The following ATAD2 variants were observed in gnomAD, a reference collection of about 807,000 sequenced individuals.
ATAD2 encodes ATPase family AAA domain-containing protein 2.
In ATAD2, 62 loss-of-function variants were observed where a neutral mutation model predicts 168.9. That is an observed-to-expected ratio of 0.37 (90% CI 0.30 to 0.45). The LOEUF is 0.45. Ranked by LOEUF, ATAD2 falls within the 20% of genes least tolerant of loss-of-function variation. The pLI is 1.00. For synonymous variants in ATAD2, 613 were observed against 571.6 expected, an observed-to-expected ratio of 1.07 and a Z score of -1.03; for missense variants, 1,419 against 1,667.8, an observed-to-expected ratio of 0.85 and a Z score of 2.60.
At chr8:123,373,067 G>T (rs1829196729) in intron 2 of ATAD2, among the ~76,000 whole-genome samples, 1 of 151,430 alleles carries the variant, frequency 6.6e-6, no homozygotes, top group Non-Finnish European at 1.5e-5. Context: ...TAATTTTTTG[G>T]ATTTTTAGTA....
Position 123,380,947 on chromosome 8 carries a change from T to C in ATAD2, c.172-270A>G, listed in dbSNP as rs560891207. 1.4e-5 allele frequency: 5 copies of C among 361,212 alleles called. No individual in the cohort carries two copies. The East Asian group carries it at 2.9e-4, about 21-fold the overall frequency. The allele number at this position is 361,212 out of a possible 1,614,324, so 22.4% of individuals were successfully genotyped here. A position where few individuals can be genotyped will look rare whatever the true frequency, so the allele number is the denominator to read the frequency against. On this transcript the variant is annotated intron_variant, in intron 1 of 27. Coordinates refer to ENST00000287394, the MANE Select transcript of ATAD2 (RefSeq NM_014109.4). ...CATAACCACTTTATAAAAAGTAGTC[T>C]AGAGAGTGAAGTTTTCCACCACTGA...
intron 2 of ATAD2, among the ~76,000 whole-genome samples, chr8:123,378,093 T>C (rs369923810): frequency 5.3e-5 from 8 of 152,216 alleles, no homozygotes; most frequent in African/African-American, 1.9e-4. Flanking sequence ...GGCTGGTTTA[T>C]ATTGTACTTC....
chr8:123,403,041 G>T (rs747512128), intron 1 of ATAD2, among the ~76,000 whole-genome samples: 31 of 152,166 alleles, frequency 2.0e-4, no homozygotes, highest in Non-Finnish European at 4.3e-4. Context: ...ACTGAGAATA[G>T]AAGGGTATGC....
chr8:123,336,239 T>G, intron 22 of ATAD2, 134 bp downstream of exon 22: 2 of 772,390 alleles, frequency 2.6e-6, no homozygotes, highest in East Asian at 3.4e-5. Flanking sequence ...TTTTTACCAT[T>G]TGTAAAATGG....
At chr8:123,334,356 TCCC>T (rs1827857808) in intron 22 of ATAD2, 34 bp from the exon 23 acceptor site, 1 of 1,466,838 alleles carries the variant, frequency 6.8e-7, no homozygotes, top group Non-Finnish European at 9.0e-7. Flanking sequence ...ATTTTTAATT[TCCC>T]CCTTTTAATA....
chr8:123,365,736 T>C (rs1165065176), intron 8 of ATAD2, among the ~76,000 whole-genome samples: 2 of 152,088 alleles, frequency 1.3e-5, no homozygotes, highest in Non-Finnish European at 2.9e-5. Context: ...ATGAAACTGG[T>C]TCCTCATCTC....
chr8:123,361,396 A>C (rs1416925411), intron 9 of ATAD2, 143 bp downstream of exon 9: 2 of 549,070 alleles, frequency 3.6e-6, no homozygotes, highest in Non-Finnish European at 6.7e-6. Context: ...AATTCTAACA[A>C]GACAGCATTC....
chr8:123,395,873 G>C (rs559844490), intron 1 of ATAD2, among the ~76,000 whole-genome samples: 3 of 152,314 alleles, frequency 2.0e-5, no homozygotes, highest in South Asian at 4.1e-4. Flanking sequence ...GCCAGGGAGT[G>C]GGGGGTCGTG....
At chr8:123,404,036 T>C (rs376774473) in intron 1 of ATAD2, among the ~76,000 whole-genome samples, 1 of 152,306 alleles carries the variant, frequency 6.6e-6, no homozygotes, top group East Asian at 1.9e-4. Context: ...GGTAACTCTC[T>C]TCTCTGGGCT....
chr8:123,388,221 G>T (rs1829702442), intron 1 of ATAD2, among the ~76,000 whole-genome samples: 1 of 151,990 alleles, frequency 6.6e-6, no homozygotes, highest in Non-Finnish European at 1.5e-5. Context: ...TTAGAGATAG[G>T]ATCTTGCTCC....
In ATAD2 at chr8:123,320,768, C is replaced by T. The variant is rs1178662253; in HGVS notation, c.*366G>A. On this transcript the variant is annotated 3_prime_UTR_variant, in exon 28 of 28. Coordinates refer to ENST00000287394, the MANE Select transcript of ATAD2 (RefSeq NM_014109.4). ...TAAGTTTCTTGTCAGATACAATAAA[C>T]TATTTTTAGGAAGGATAAAATTAAA... The T allele has an allele frequency of 5.6e-6, 1 of 178,500 alleles. No individual in the cohort carries two copies. Among genetic ancestry groups the T allele is most frequent in the Non-Finnish European group, 1.2e-5 (1 of 86,238 alleles). 11.1% of individuals were successfully genotyped at this position (178,500 alleles called of 1,614,324 possible).
chr8:123,344,720 G>T, intron 19 of ATAD2, 164 bp downstream of exon 19: 1 of 723,328 alleles, frequency 1.4e-6, no homozygotes, highest in Non-Finnish European at 2.3e-6. Context: ...ATACCATCTT[G>T]CCCAATGAGC....
At chr8:123,343,668 C>A (rs912735618) in intron 19 of ATAD2, among the ~76,000 whole-genome samples, 37 of 152,158 alleles carry the variant, frequency 2.4e-4, no homozygotes, top group African/African-American at 8.2e-4. Context: ...GTTATGTGCT[C>A]TATGGACACA....
chr8:123,378,161 G>A (rs562891986), intron 2 of ATAD2, among the ~76,000 whole-genome samples: 59 of 152,192 alleles, frequency 3.9e-4, no homozygotes, highest in African/African-American at 1.4e-3. Flanking sequence ...ATTGGAATGT[G>A]TCTTACTGAT....
intron 1 of ATAD2, among the ~76,000 whole-genome samples, chr8:123,403,408 T>G (rs1261276182): frequency 2.0e-5 from 3 of 146,438 alleles, no homozygotes; most frequent in African/African-American, 7.7e-5. Context: ...CCAGGAGGGT[T>G]TTTTTTTTTT....
chr8:123,369,149 T>A lies in ATAD2; in HGVS notation c.958A>T (p.Ile320Leu). 2 of 1,565,180 alleles carry A rather than the reference T, an allele frequency of 1.3e-6. No homozygotes were observed. The highest frequency in any genetic ancestry group is 1.7e-6 in the Non-Finnish European group (2 of 1,150,218). Residue 320 changes from isoleucine to leucine, a missense_variant, in exon 8 of 28, where the codon ATA becomes TTA. This residue lies in a region of ATAD2 where 419 missense variants were observed against 423.5 expected (regional missense o/e 0.99). Coordinates refer to ENST00000287394, the MANE Select transcript of ATAD2 (RefSeq NM_014109.4). ...EKPRHQRKPN[I>L]FYSGPASPAR... ...GGAGAAGCTGGGCCACTATAAAATATGTTGGGCTTTCTCTGGTGACGAGGT... is the reference window on the plus strand; with the variant it reads ...GGAGAAGCTGGGCCACTATAAAATAAGTTGGGCTTTCTCTGGTGACGAGGT...
At chr8:123,389,777 A>G (rs1586904765) in intron 1 of ATAD2, among the ~76,000 whole-genome samples, 2 of 150,676 alleles carry the variant, frequency 1.3e-5, no homozygotes, top group African/African-American at 2.4e-5. Flanking sequence ...TCCTACTAAT[A>G]CCACCTTAAC....
chr8:123,361,717 C>T, intron 8 of ATAD2, 71 bp from the exon 9 acceptor site: 4 of 1,220,536 alleles, frequency 3.3e-6, no homozygotes, highest in Non-Finnish European at 4.7e-6. Flanking sequence ...AGAAAAGCAT[C>T]AGAAATACCT....
At chr8:123,362,414 C>CTTT (rs561886419) in intron 8 of ATAD2, among the ~76,000 whole-genome samples, 10 of 143,738 alleles carry the variant, frequency 7.0e-5, no homozygotes, top group South Asian at 2.2e-4. Flanking sequence ...AATCAAATAA[C>CTTT]TTTTTTTTTT....
Sources: allele counts gnomAD v4.1 joint callset (sites outside exome capture counted in the v4.1 genomes callset), GRCh38; gene constraint gnomAD v4.1.1; regional missense constraint gnomAD v4.1.1; transcripts MANE v1.5; gene names NCBI Gene and HGNC (gene_info 2026-07-23, HGNC 2026-07-21).